The following ITIH5 variants were observed in gnomAD, a reference collection of about 807,000 sequenced individuals.
The protein encoded by ITIH5 is inter-alpha-trypsin inhibitor heavy chain H5.
Under a neutral mutation model 77.5 loss-of-function variants are expected in ITIH5, and 65 were observed. The ratio of observed to expected loss-of-function variants is 0.84; its 90% CI spans 0.69 to 1.03. ITIH5 has a LOEUF of 1.03. ITIH5 is among the 50% of genes least tolerant of loss of function. ITIH5 has a pLI of 0.00. For missense variants in ITIH5, 1,208 were observed against 1,213.1 expected (o/e 1.00, Z 0.06); for synonymous variants, 525 against 494.3 (o/e 1.06, Z -0.82).
chr10:7,624,784 T>TAAA (rs112757694), intron 5 of ITIH5, among the ~76,000 whole-genome samples: 20 of 31,872 alleles, frequency 6.3e-4, no homozygotes, highest in South Asian at 2.3e-3. Context: ...AGACTCTGCC[T>TAAA]AAAAAAAAAA....
intron 7 of ITIH5, among the ~76,000 whole-genome samples, chr10:7,614,895 T>C (rs1833333055): frequency 6.6e-6 from 1 of 152,200 alleles, no homozygotes; most frequent in African/African-American, 2.4e-5. Flanking sequence ...AGAGAGTTTC[T>C]ATGAGATTTG....
At chr10:7,585,838 AAACC>A in intron 8 of ITIH5, 59 bp downstream of exon 8, 7 of 1,448,724 alleles carry the variant, frequency 4.8e-6, no homozygotes, top group East Asian at 4.7e-5. Context: ...AAAAAAAAAA[AAACC>A]AAAAAAAAAA....
Position 7,562,345 on chromosome 10 carries a change from A to G in ITIH5, c.*738T>C, listed in dbSNP as rs1832054796. ...TGAAAAGCCCTTAGCTTATTGGAAC[A>G]AATTGGAGAATAGCCATTAGCAAAG... is the stretch of plus-strand genomic sequence containing the variant. On this transcript the variant is annotated 3_prime_UTR_variant, in exon 14 of 14. Coordinates refer to ENST00000397146, the MANE Select transcript of ITIH5 (RefSeq NM_030569.7). 1 of 152,266 alleles carries G rather than the reference A, an allele frequency of 6.6e-6. No homozygotes were observed. Among genetic ancestry groups the G allele is most frequent in the African/African-American group, 2.4e-5 (1 of 41,456 alleles). 9.4% of individuals were successfully genotyped at this position (152,266 alleles called of 1,614,324 possible).
chr10:7,612,480 A>G (rs1426653475), intron 7 of ITIH5, among the ~76,000 whole-genome samples: 1 of 152,206 alleles, frequency 6.6e-6, no homozygotes, highest in Non-Finnish European at 1.5e-5. Context: ...AGGTTTTTAA[A>G]GAATATTTAA....
At chr10:7,589,257 A>T (rs1832744452) in intron 7 of ITIH5, among the ~76,000 whole-genome samples, 2 of 152,230 alleles carry the variant, frequency 1.3e-5, no homozygotes, top group African/African-American at 4.8e-5. Context: ...CAGGAGTTCA[A>T]GACCAGCCTG....
chr10:7,622,555 T>C (rs1833490976), intron 5 of ITIH5: 1 of 152,128 alleles, frequency 6.6e-6, no homozygotes, highest in South Asian at 2.1e-4. Context: ...TTGGATAACA[T>C]ACAGTTCACA....
At chr10:7,666,327 C>A (rs1399408292) in intron 1 of ITIH5, among the ~76,000 whole-genome samples, 1 of 151,884 alleles carries the variant, frequency 6.6e-6, no homozygotes, top group Non-Finnish European at 1.5e-5. Context: ...GGTAGGTAGT[C>A]GCTAAATGGG....
At position 7,559,862 on chromosome 10, in the gene ITIH5, GTTTTT is replaced by G. The variant is rs111905334; in HGVS notation, c.*3216_*3220del. The G allele has an allele frequency of 4.4e-5, 18 of 406,582 alleles. 1 individual carries two copies. Among genetic ancestry groups the G allele is most frequent in the Admixed American group, 2.1e-4 (8 of 38,378 alleles). The allele number at this position is 406,582 out of a possible 1,614,324, so 25.2% of individuals were successfully genotyped here. On this transcript the variant is annotated 3_prime_UTR_variant, in exon 14 of 14. Transcript: ENST00000397146. Reference sequence around the variant, plus strand: ...CCATGTCTTTTTTTTGTTTTGTTTTGTTTTTTTTTGACGGAGTTTGGCTCTGTCAC... The same window carrying G: ...CCATGTCTTTTTTTTGTTTTGTTTTGTTTTGACGGAGTTTGGCTCTGTCAC...
chr10:7,595,997 G>T (rs926253156), intron 7 of ITIH5, among the ~76,000 whole-genome samples: 2 of 152,208 alleles, frequency 1.3e-5, no homozygotes, highest in Non-Finnish European at 2.9e-5. Context: ...AACAGAGCGA[G>T]ACTCCGTCTA....
intron 1 of ITIH5, among the ~76,000 whole-genome samples, chr10:7,661,861 C>T (rs1834281805): frequency 2.0e-5 from 3 of 151,894 alleles, no homozygotes; most frequent in Non-Finnish European, 2.9e-5. Flanking sequence ...CCACCATGCC[C>T]AGCTAATTTT....
At chr10:7,632,169 C>T (rs879304974) in intron 5 of ITIH5, among the ~76,000 whole-genome samples, 3 of 152,172 alleles carry the variant, frequency 2.0e-5, no homozygotes, top group Non-Finnish European at 2.9e-5. Flanking sequence ...CTAAGGTCTG[C>T]TGGAAAATCC....
Position 7,566,140 on chromosome 10 carries a change from A to G in ITIH5, c.2417T>C (p.Phe806Ser). ...TTTGTAGAGGTGGATGAGGATGACAAAGGCTATGGAGCCCTGGATGGTGAC... is the reference window on the plus strand; with the variant it reads ...TTTGTAGAGGTGGATGAGGATGACAGAGGCTATGGAGCCCTGGATGGTGAC... ...VTVTIQGSIA[F>S]VILIHLYKKP... The change falls in exon 13 of 14, where the codon TTT becomes TCT. Residue 806 changes from phenylalanine (F) to serine (S), a missense_variant. By Grantham distance (155) the Phe-to-Ser change is radical (BLOSUM62 -2). Coordinates refer to ENST00000397146, the MANE Select transcript of ITIH5 (RefSeq NM_030569.7). The G allele has an allele frequency of 6.2e-7, 1 of 1,614,038 alleles. No individual in the cohort carries two copies. The highest frequency in any genetic ancestry group is 8.5e-7 in the Non-Finnish European group (1 of 1,180,008).
chr10:7,569,979 T>C lies in ITIH5; in HGVS notation c.2033-195A>G, dbSNP rs12247914. On this transcript the variant is annotated intron_variant, in intron 11 of 13. Coordinates refer to ENST00000397146, the MANE Select transcript of ITIH5 (RefSeq NM_030569.7). ...AACTCCCCAGAATTACCCAGTGAGT[T>C]TGCAGTAAACATTTGACTTCAGGTC... 1,086 of 499,440 alleles carry C rather than the reference T, an allele frequency of 2.2e-3. 16 individuals are homozygous for C. Among genetic ancestry groups the C allele is most frequent in the African/African-American group, 0.019 (985 of 51,676 alleles). The allele number at this position is 499,440 out of a possible 1,614,324, so 30.9% of individuals were successfully genotyped here. A position where few individuals can be genotyped will look rare whatever the true frequency, so the allele number is the denominator to read the frequency against.
At chr10:7,654,326 G>T (rs1346087992) in intron 2 of ITIH5, among the ~76,000 whole-genome samples, 2 of 152,132 alleles carry the variant, frequency 1.3e-5, no homozygotes, top group Non-Finnish European at 2.9e-5. Context: ...TGTATGTATT[G>T]CTGGGAGGCT....
Position 7,602,174 on chromosome 10 carries a change from T to G in ITIH5, c.939+13808A>C, listed in dbSNP as rs558951091. On this transcript the variant is annotated intron_variant, in intron 7 of 13. Transcript: ENST00000397146. ...TGGCCTAAGGCTCAGTTTTTGGCCT[T>G]TCATCCTCCCTCTCTCTCTCCTCTT... is the stretch of plus-strand genomic sequence containing the variant. Among the ~76,000 whole-genome samples, 10 of 152,226 alleles carry G rather than the reference T, an allele frequency of 6.6e-5. No homozygotes were observed. The South Asian group carries it at 1.9e-3, about 28-fold the overall frequency.
chr10:7,644,528 A>C (rs1160556553), intron 2 of ITIH5, among the ~76,000 whole-genome samples: 1 of 112,386 alleles, frequency 8.9e-6, no homozygotes, highest in African/African-American at 3.4e-5. Context: ...TCACATATAT[A>C]TGATATATCA....
Position 7,563,217 on chromosome 10 carries a change from C to T in ITIH5, c.2695G>A (p.Glu899Lys). 1 of 1,614,222 alleles carries T rather than the reference C, an allele frequency of 6.2e-7. No individual in the cohort carries two copies. The highest frequency in any genetic ancestry group is 2.2e-5 in the East Asian group (1 of 44,890). The change falls in exon 14 of 14, where the codon GAA (glutamate) becomes AAA (lysine). Residue 899 changes from glutamate to lysine, a missense_variant. Coordinates refer to ENST00000397146, the MANE Select transcript of ITIH5 (RefSeq NM_030569.7). The stretch of plus-strand genomic sequence containing the variant: ...GCAAACCAGCAGTCTATCTGCTCTT[C>T]CCCGTTGTAAATCTTCCTTTGCTTC... ...VWKQRKIYNG[E>K]EQIDCWFARN...
At chr10:7,665,390 C>T (rs1424087208) in intron 1 of ITIH5, among the ~76,000 whole-genome samples, 1 of 152,210 alleles carries the variant, frequency 6.6e-6, no homozygotes, top group Non-Finnish European at 1.5e-5. Context: ...AAGACCATGG[C>T]CAGCATTAAG....
At chr10:7,586,422 G>A (rs1486649927) in intron 7 of ITIH5, among the ~76,000 whole-genome samples, 1 of 152,130 alleles carries the variant, frequency 6.6e-6, no homozygotes, top group Non-Finnish European at 1.5e-5. Flanking sequence ...TAAGAGCCAG[G>A]CAAGTGTGCA....
Sources: gnomAD v4.1 joint callset for allele counts (sites outside exome capture counted in the v4.1 genomes callset) on GRCh38, gnomAD v4.1.1 for gene constraint, MANE v1.5 for transcripts, NCBI Gene and HGNC (gene_info 2026-07-23, HGNC 2026-07-21) for gene names.